The following ERLIN1 variants were observed in gnomAD, a reference collection of about 807,000 sequenced individuals.
ERLIN1 encodes the protein ER lipid raft associated 1.
Under a neutral mutation model 46.9 loss-of-function variants are expected in ERLIN1, and 24 were observed. That is an observed-to-expected ratio of 0.51 (90% confidence interval 0.37 to 0.72). The LOEUF is 0.72. Among genes scored for constraint, ERLIN1 ranks in the 30% least tolerant of loss-of-function variants. ERLIN1 has a pLI of 0.00. For missense variants in ERLIN1, 293 were observed against 417.9 expected (o/e 0.70, Z 2.61); for synonymous variants, 158 against 143.2 (o/e 1.10, Z -0.74).
intron 7 of ERLIN1, among the ~76,000 whole-genome samples, 180 bp from the exon 8 acceptor site, chr10:100,164,275 T>G (rs1014782290): frequency 6.6e-6 from 1 of 152,212 alleles, no homozygotes; most frequent in Admixed American, 6.5e-5. Flanking sequence ...GGTTGAAAGA[T>G]TCAATGATTT....
At chr10:100,169,119 G>A (rs762843339) in intron 6 of ERLIN1, among the ~76,000 whole-genome samples, 1 of 152,178 alleles carries the variant, frequency 6.6e-6, no homozygotes, top group Non-Finnish European at 1.5e-5. Context: ...GATACCATGA[G>A]TAAGTTGCAT....
intron 2 of ERLIN1, among the ~76,000 whole-genome samples, chr10:100,180,735 T>G (rs1200853994): frequency 1.3e-5 from 2 of 152,214 alleles, no homozygotes; most frequent in African/African-American, 2.4e-5. Context: ...GTTTGGGATC[T>G]CTCTAGTTCA....
chr10:100,162,671 T>C (rs1843418839), intron 8 of ERLIN1, among the ~76,000 whole-genome samples: 1 of 152,128 alleles, frequency 6.6e-6, no homozygotes, highest in Non-Finnish European at 1.5e-5. Flanking sequence ...CAAAAACAAA[T>C]TACAGTACTA....
chr10:100,183,699 G>C (rs1227161833), intron 2 of ERLIN1, 57 bp downstream of exon 2: 4 of 1,144,830 alleles, frequency 3.5e-6, no homozygotes, highest in Non-Finnish European at 5.2e-6. Flanking sequence ...CACAAGTGTG[G>C]TAACTCCTGT....
chr10:100,171,383 A>G (rs1310364012), intron 6 of ERLIN1, among the ~76,000 whole-genome samples: 1 of 152,182 alleles, frequency 6.6e-6, no homozygotes, highest in Non-Finnish European at 1.5e-5. Context: ...GTAAGGTTCA[A>G]AAACAAGTTC....
chr10:100,171,541 G>T (rs528835632), intron 6 of ERLIN1, among the ~76,000 whole-genome samples: 46 of 152,126 alleles, frequency 3.0e-4, no homozygotes, highest in Non-Finnish European at 6.2e-4. Flanking sequence ...AAGTAGCTGG[G>T]ACTACAGGCA....
chr10:100,171,674 G>A lies in ERLIN1; in HGVS notation c.504+2534C>T, dbSNP rs548961799. 8.3e-4 allele frequency among the ~76,000 whole-genome samples: 127 copies of A among 152,292 alleles called. 1 individual carries two copies. The highest frequency in any genetic ancestry group is 3.0e-3 in the African/African-American group (123 of 41,548). ...GAGCTTTCCACCTCAGCCTCCTAAA[G>A]TGGTGGGATTACAGATGTGAGCCGC... On this transcript the variant is annotated intron_variant, in intron 6 of 10. Transcript: ENST00000421367.
chr10:100,163,519 C>T (rs1379691017), intron 8 of ERLIN1, among the ~76,000 whole-genome samples: 1 of 152,034 alleles, frequency 6.6e-6, no homozygotes, highest in Non-Finnish European at 1.5e-5. Flanking sequence ...CCAAAGAGGG[C>T]AATCTAATAC....
rs1049659852 is a variant in ERLIN1, at chr10:100,150,791, C to T, written c.*1340G>A. On this transcript the variant is annotated 3_prime_UTR_variant, in exon 11 of 11. Transcript: ENST00000421367. ...CTGCACAAACTCAGGCCGAACTACGCAGCACACTGCTCCAGAAAAGTTAAA... is the reference window on the plus strand; with the variant it reads ...CTGCACAAACTCAGGCCGAACTACGTAGCACACTGCTCCAGAAAAGTTAAA... 1 of 152,336 alleles carries T rather than the reference C, an allele frequency of 6.6e-6. No homozygotes were observed. The highest frequency in any genetic ancestry group is 2.4e-5 in the African/African-American group (1 of 41,424). 9.4% of individuals were successfully genotyped at this position (152,336 alleles called of 1,614,324 possible).
chr10:100,162,405 G>A (rs995687911), intron 8 of ERLIN1, among the ~76,000 whole-genome samples: 3 of 152,136 alleles, frequency 2.0e-5, no homozygotes, highest in Non-Finnish European at 4.4e-5. Context: ...AAGGATGTGT[G>A]GAAATGGGAA....
At chr10:100,160,463 A>T (rs1843307595) in intron 8 of ERLIN1, among the ~76,000 whole-genome samples, 2 of 152,206 alleles carry the variant, frequency 1.3e-5, no homozygotes, top group Admixed American at 1.3e-4. Context: ...AAGTATAAGA[A>T]AATTATAAGC....
chr10:100,183,136 C>T (rs985539264), intron 2 of ERLIN1, among the ~76,000 whole-genome samples: 3 of 152,174 alleles, frequency 2.0e-5, no homozygotes, highest in Admixed American at 6.5e-5. Flanking sequence ...ACTGGGCTTG[C>T]GAAAGTGGTC....
chr10:100,185,224 G>A (rs564045902), intron 1 of ERLIN1, among the ~76,000 whole-genome samples: 88 of 152,288 alleles, frequency 5.8e-4, no homozygotes, highest in South Asian at 1.2e-3. Flanking sequence ...TCAGTTAGAG[G>A]TAGAGTGACT....
chr10:100,179,276 C>T (rs1365081475), intron 2 of ERLIN1, 29 bp from the exon 3 acceptor site: 3 of 1,540,374 alleles, frequency 1.9e-6, no homozygotes, highest in Non-Finnish European at 2.7e-6. Context: ...CTCATCAACA[C>T]TCAAGACACA....
intron 8 of ERLIN1, among the ~76,000 whole-genome samples, chr10:100,157,855 A>C (rs1843156786): frequency 6.6e-6 from 1 of 152,246 alleles, no homozygotes; most frequent in African/African-American, 2.4e-5. Flanking sequence ...GAATAAATCA[A>C]TAAAAAGCAC....
At chr10:100,158,164 T>A (rs1054220644) in intron 8 of ERLIN1, among the ~76,000 whole-genome samples, 5 of 152,130 alleles carry the variant, frequency 3.3e-5, no homozygotes, top group Non-Finnish European at 7.3e-5. Flanking sequence ...TGCATAAAAC[T>A]GAGACCTCTA....
chr10:100,165,819 C>T (rs374514967), intron 7 of ERLIN1, among the ~76,000 whole-genome samples: 66 of 152,022 alleles, frequency 4.3e-4, no homozygotes, highest in African/African-American at 8.9e-4. Context: ...TCTACCTCCC[C>T]GGTTGAAGCG....
intron 8 of ERLIN1, among the ~76,000 whole-genome samples, chr10:100,158,503 C>T (rs928582206): frequency 6.6e-5 from 10 of 150,886 alleles, no homozygotes; most frequent in Non-Finnish European, 1.3e-4. Flanking sequence ...CAAGGAGGAC[C>T]GAAGATAACT....
intron 9 of ERLIN1, 150 bp downstream of exon 9, chr10:100,155,995 A>G (rs891555380): frequency 1.3e-5 from 7 of 524,904 alleles, no homozygotes; most frequent in African/African-American, 3.8e-5. Context: ...ATTTAAAAAA[A>G]TTTATTTAGA....
Sources: allele counts gnomAD v4.1 joint callset (sites outside exome capture counted in the v4.1 genomes callset), GRCh38; gene constraint gnomAD v4.1.1; transcripts MANE v1.5; gene names NCBI Gene and HGNC (gene_info 2026-07-23, HGNC 2026-07-21).